ZNF423: variants seen among roughly 807,000 people sequenced by gnomAD.
The protein encoded by ZNF423 is zinc finger protein 423, also known as Ebf-associated zinc finger protein.
In ZNF423, 12 loss-of-function variants were observed where a neutral mutation model predicts 95.8. That is an observed-to-expected ratio of 0.13 (90% CI 0.08 to 0.20). The LOEUF (loss-of-function observed/expected upper bound fraction) is 0.20. Ranked by LOEUF, ZNF423 falls within the 10% of genes least tolerant of loss-of-function variation. The pLI, the probability that ZNF423 is intolerant of heterozygous loss-of-function variation, is 1.00. For missense variants in ZNF423, 1,316 were observed against 1,737.1 expected (o/e 0.76, Z 4.31); for synonymous variants, 749 against 711.9 (o/e 1.05, Z -0.83).
intron 7 of ZNF423, among the ~76,000 whole-genome samples, chr16:49,496,666 C>T (rs537171441): frequency 2.6e-5 from 4 of 152,338 alleles, no homozygotes; most frequent in African/African-American, 9.6e-5. Context: ...AATACAGATG[C>T]CCTGAGGACT....
At position 49,637,426 on chromosome 16, in the gene ZNF423, A is replaced by T; in HGVS notation, c.1750T>A (p.Ser584Thr). The T allele has an allele frequency of 1.9e-6, 3 of 1,613,986 alleles. No individual in the cohort carries two copies. Among genetic ancestry groups the T allele is most frequent in the Non-Finnish European group, 2.5e-6 (3 of 1,180,004 alleles). ...ATGTGCTTGGTGAGTTTCAGGATGG[A>T]GCCAAAGATGGGGGAGTTGGTGCAG... Reference protein sequence around the residue: ...PYCTNSPIFGSILKLTKHIKE... With the variant: ...PYCTNSPIFGTILKLTKHIKE... Residue 584 changes from serine to threonine, a missense_variant, in exon 4 of 8, where the codon TCC becomes ACC. This residue lies in a region of ZNF423 where 9 missense variants were observed against 31.8 expected (regional missense o/e 0.28). Transcript: ENST00000563137. The surrounding 1 kb of genome is among the most constrained non-coding windows in gnomAD (Gnocchi z 5.6).
chr16:49,780,226 T>C (rs1052450025), intron 2 of ZNF423, among the ~76,000 whole-genome samples: 7 of 152,122 alleles, frequency 4.6e-5, no homozygotes, highest in African/African-American at 1.7e-4. Flanking sequence ...TGCATACACA[T>C]GTGCACAGCA....
intron 7 of ZNF423, among the ~76,000 whole-genome samples, chr16:49,504,328 G>A (rs895776193): frequency 3.9e-5 from 6 of 152,150 alleles, no homozygotes; most frequent in African/African-American, 1.4e-4. Context: ...CACCTTGGGA[G>A]GCCAGCACTT....
At chr16:49,623,134 C>T (rs976194164) in intron 5 of ZNF423, among the ~76,000 whole-genome samples, 1 of 152,144 alleles carries the variant, frequency 6.6e-6, no homozygotes, top group Non-Finnish European at 1.5e-5. Flanking sequence ...CCGCAGTGAA[C>T]TGGAATCTGC....
At chr16:49,644,926 A>C (rs1260849757) in intron 3 of ZNF423, among the ~76,000 whole-genome samples, 2 of 152,184 alleles carry the variant, frequency 1.3e-5, no homozygotes, top group Non-Finnish European at 2.9e-5. Flanking sequence ...CAGAGAGTCC[A>C]TCAGGAGGCT....
intron 5 of ZNF423, among the ~76,000 whole-genome samples, chr16:49,595,492 T>C (rs1971153553): frequency 6.6e-6 from 1 of 152,204 alleles, no homozygotes; most frequent in Non-Finnish European, 1.5e-5. Flanking sequence ...GATCTGCAAC[T>C]CATATTTAGC....
chr16:49,658,460 G>A (rs1270168766), intron 3 of ZNF423, among the ~76,000 whole-genome samples: 1 of 152,244 alleles, frequency 6.6e-6, no homozygotes, highest in Non-Finnish European at 1.5e-5. Context: ...CAACACGACA[G>A]AGGAAATTCC....
At chr16:49,551,377 TC>T (rs550747758) in intron 5 of ZNF423, among the ~76,000 whole-genome samples, 1 of 152,074 alleles carries the variant, frequency 6.6e-6, no homozygotes. Flanking sequence ...CACAATTCCA[TC>T]CCCCCTCCCA....
intron 3 of ZNF423, among the ~76,000 whole-genome samples, chr16:49,645,920 T>C (rs1973155119): frequency 1.3e-5 from 2 of 152,344 alleles, no homozygotes; most frequent in Middle Eastern, 3.4e-3. Context: ...CCTTCCAACA[T>C]GATTGTTAGT....
intron 2 of ZNF423, among the ~76,000 whole-genome samples, chr16:49,755,880 G>A (rs985896506): frequency 3.9e-5 from 6 of 152,150 alleles, no homozygotes; most frequent in African/African-American, 7.2e-5. Flanking sequence ...AAGTGTTGCC[G>A]GAATGCCTGC....
At chr16:49,560,723 G>A (rs1054461129) in intron 5 of ZNF423, among the ~76,000 whole-genome samples, 1 of 152,104 alleles carries the variant, frequency 6.6e-6, no homozygotes, top group Non-Finnish European at 1.5e-5. Context: ...CCCCAGACAC[G>A]CCACAGTGTG....
chr16:49,645,405 A>G (rs1459160086), intron 3 of ZNF423, among the ~76,000 whole-genome samples: 1 of 152,222 alleles, frequency 6.6e-6, no homozygotes, highest in Non-Finnish European at 1.5e-5. Flanking sequence ...GAAGGATTCC[A>G]AGGCCTTATC....
intron 1 of ZNF423, among the ~76,000 whole-genome samples, chr16:49,808,064 T>C (rs1307581812): frequency 3.3e-5 from 5 of 152,168 alleles, no homozygotes; most frequent in Admixed American, 6.5e-5. Flanking sequence ...TTCTTTCTTT[T>C]TTTTTTTCTT....
chr16:49,842,479 G>C (rs1227811538), intron 1 of ZNF423, among the ~76,000 whole-genome samples: 1 of 151,744 alleles, frequency 6.6e-6, no homozygotes, highest in Non-Finnish European at 1.5e-5. Context: ...AGGTGTGGTG[G>C]CTCGTACCTA....
rs1367336475 is a variant in ZNF423 at position 49,636,166 on chromosome 16, G to A, written c.3010C>T (p.Pro1004Ser). 11 of 1,613,490 alleles carry A rather than the reference G, an allele frequency of 6.8e-6. No individual in the cohort carries two copies. The highest frequency in any genetic ancestry group is 2.2e-5 in the East Asian group (1 of 44,874). Residue 1004 changes from proline (P) to serine (S), a missense_variant, in exon 4 of 8, where the codon CCC (proline) becomes TCC (serine). Around this residue, in one of 6 missense-constraint regions of ZNF423, gnomAD observed 620 missense variants for 775.6 expected, o/e 0.80. Transcript: ENST00000563137. The surrounding 1 kb of genome is among the most constrained non-coding windows in gnomAD (Gnocchi z 8.6). ...ATAAACTCCTCCTCGCTCTGCAGGG[G>A]CATCTTGCAGATGCGACAGGTGCCC... Reference protein sequence around the residue: ...DTGTCRICKMPLQSEEEFIEH... With the variant: ...DTGTCRICKMSLQSEEEFIEH...
At chr16:49,788,383 C>T (rs932103849) in intron 2 of ZNF423, among the ~76,000 whole-genome samples, 1 of 152,246 alleles carries the variant, frequency 6.6e-6, no homozygotes, top group Non-Finnish European at 1.5e-5. Context: ...GTACTATTAA[C>T]ACTTTCTTGT....
intron 3 of ZNF423, among the ~76,000 whole-genome samples, chr16:49,665,313 G>A (rs561397405): frequency 6.6e-6 from 1 of 152,330 alleles, no homozygotes; most frequent in African/African-American, 2.4e-5. Flanking sequence ...AGGCACTTAG[G>A]TGGTGAGGGT....
At chr16:49,694,043 G>C (rs773209619) in intron 3 of ZNF423, among the ~76,000 whole-genome samples, 19 of 152,222 alleles carry the variant, frequency 1.2e-4, no homozygotes, top group South Asian at 4.1e-4. Flanking sequence ...CAAGTCTCAC[G>C]AAAACTCCTC....
intron 2 of ZNF423, among the ~76,000 whole-genome samples, chr16:49,761,622 G>A (rs995327657): frequency 3.9e-5 from 6 of 152,178 alleles, no homozygotes; most frequent in South Asian, 2.1e-4. Context: ...AGCAACATGC[G>A]TGCGTATGGG....
Sources: gnomAD v4.1 joint callset for allele counts (sites outside exome capture counted in the v4.1 genomes callset) on GRCh38, gnomAD v4.1.1 for gene constraint, gnomAD v4.1.1 regional missense constraint, Gnocchi (gnomAD v3.1) non-coding constraint, MANE v1.5 for transcripts, NCBI Gene and HGNC (gene_info 2026-07-23, HGNC 2026-07-21) for gene names.